The following SPTLC2 variants were observed in gnomAD, a reference collection of about 807,000 sequenced individuals.
SPTLC2 encodes the protein serine palmitoyltransferase long chain base subunit 2, also known as serine palmitoyltransferase 2.
SPTLC2 carries 21 observed loss-of-function variants against 62.0 expected under a neutral mutation model. The observed-to-expected ratio is 0.34, with a 90% CI of 0.24 to 0.49. The LOEUF (loss-of-function observed/expected upper bound fraction) is 0.49. SPTLC2 is among the 20% of genes least tolerant of loss of function. SPTLC2 has a pLI of 0.99. For synonymous variants in SPTLC2, 261 were observed against 261.8 expected, an observed-to-expected ratio of 1.00 and a Z score of 0.03; for missense variants, 511 against 713.0, an observed-to-expected ratio of 0.72 and a Z score of 3.23.
intron 6 of SPTLC2, among the ~76,000 whole-genome samples, chr14:77,560,108 A>T (rs2079606616): frequency 6.6e-6 from 1 of 152,220 alleles, no homozygotes. Context: ...TTATTTCCTC[A>T]TTAGATTTGG....
At chr14:77,570,536 A>T in intron 4 of SPTLC2, 28 bp from the exon 5 acceptor site, 1 of 1,592,106 alleles carries the variant, frequency 6.3e-7, no homozygotes, top group Non-Finnish European at 8.5e-7. Context: ...TAAAGTCAGT[A>T]TCACAAAATC....
chr14:77,548,159 G>T (rs2299916), intron 9 of SPTLC2, among the ~76,000 whole-genome samples: 1 of 152,022 alleles, frequency 6.6e-6, no homozygotes, highest in Non-Finnish European at 1.5e-5. Context: ...CTATTAAAAT[G>T]TACCTATCTA....
intron 5 of SPTLC2, among the ~76,000 whole-genome samples, chr14:77,563,523 T>A (rs957077124): frequency 6.6e-6 from 1 of 152,172 alleles, no homozygotes; most frequent in Non-Finnish European, 1.5e-5. Context: ...CCTCCCAGAT[T>A]CAAGCGATTC....
At chr14:77,539,180 C>G (rs1195622539) in intron 9 of SPTLC2, among the ~76,000 whole-genome samples, 1 of 151,858 alleles carries the variant, frequency 6.6e-6, no homozygotes, top group Non-Finnish European at 1.5e-5. Context: ...TTACCTATAA[C>G]AAGACCTATA....
chr14:77,594,139 TC>T (rs1448365877), intron 2 of SPTLC2, among the ~76,000 whole-genome samples: 2 of 152,206 alleles, frequency 1.3e-5, no homozygotes, highest in African/African-American at 4.8e-5. Flanking sequence ...CCTATGCTAC[TC>T]AGATACTTTT....
At chr14:77,616,332 G>T in intron 1 of SPTLC2, 116 bp downstream of exon 1, 1 of 591,210 alleles carries the variant, frequency 1.7e-6, no homozygotes, top group South Asian at 7.7e-5. Flanking sequence ...CCACACCTGC[G>T]AACGGCGCCC....
rs35192294 is a variant in SPTLC2, at chr14:77,533,300, CAAA to C, written c.1304-11722_1304-11720del. On this transcript the variant is annotated intron_variant, in intron 9 of 11. Coordinates refer to ENST00000216484, the MANE Select transcript of SPTLC2 (RefSeq NM_004863.4). ...GGGTGACAAGAGCGAAACTCCGTTG[CAAA>C]AAAAAAAAAAAAAAAAAGTAACTGT... Among the ~76,000 whole-genome samples, 234 of 98,450 alleles carry C rather than the reference CAAA, an allele frequency of 2.4e-3. 3 individuals carry two copies. Among genetic ancestry groups the C allele is most frequent in the Admixed American group, 4.3e-3 (38 of 8,904 alleles). 64.6% of individuals were successfully genotyped at this position (98,450 alleles called of 152,430 possible). A position where few individuals can be genotyped will look rare whatever the true frequency, so the allele number is the denominator to read the frequency against.
At chr14:77,563,443 T>A (rs2079625812) in intron 5 of SPTLC2, among the ~76,000 whole-genome samples, 1 of 152,184 alleles carries the variant, frequency 6.6e-6, no homozygotes, top group South Asian at 2.1e-4. Context: ...TGTATGTGTG[T>A]GTGTGAGATG....
Position 77,512,231 on chromosome 14 carries a change from C to T in SPTLC2, c.*53G>A. 1 of 1,612,076 alleles carries T rather than the reference C, an allele frequency of 6.2e-7. No homozygotes were observed. The highest frequency in any genetic ancestry group is 1.3e-5 in the African/African-American group (1 of 74,988). On this transcript the variant is annotated 3_prime_UTR_variant, in exon 12 of 12. Transcript: ENST00000216484. ...GGTTCCTGGAACTGGCTCACAAAGGCCACAGGCTGTCCTGGGTGAGGGAGA... is the reference window on the plus strand; with the variant it reads ...GGTTCCTGGAACTGGCTCACAAAGGTCACAGGCTGTCCTGGGTGAGGGAGA...
In SPTLC2 at chr14:77,512,328, C is replaced by T. The variant is rs756512553; in HGVS notation, c.1645G>A (p.Asp549Asn). The T allele has an allele frequency of 3.7e-6, 6 of 1,614,210 alleles. No individual in the cohort carries two copies. The South Asian group carries it at 6.6e-5, about 18-fold the overall frequency. The change falls in exon 12 of 12, where the codon GAC becomes AAC. Residue 549 changes from aspartate (D) to asparagine (N), a missense_variant. By Grantham distance (23) the Asp-to-Asn change is conservative (BLOSUM62 1). Coordinates refer to ENST00000216484, the MANE Select transcript of SPTLC2 (RefSeq NM_004863.4). The part of the protein sequence containing the change: ...YSRHRLVPLL[D>N]RPFDETTYEE... ...TACGTCGTCTCGTCAAAGGGCCTGT[C>T]CAGTAGAGGTACCAACCGATGACGG...
intron 2 of SPTLC2, among the ~76,000 whole-genome samples, chr14:77,594,377 C>CA (rs1410675228): frequency 1.3e-5 from 2 of 152,308 alleles, no homozygotes; most frequent in South Asian, 2.1e-4. Flanking sequence ...ATAATGTACT[C>CA]ACAAAGTAAT....
intron 5 of SPTLC2, among the ~76,000 whole-genome samples, chr14:77,566,614 T>A (rs11159277): frequency 0.64 from 97,863 of 151,878 alleles, 32,176 homozygotes; most frequent in East Asian, 0.92. Flanking sequence ...CACAGGCGCC[T>A]GCCACTACGC....
intron 2 of SPTLC2, among the ~76,000 whole-genome samples, chr14:77,586,680 G>A (rs1029996891): frequency 6.6e-6 from 1 of 152,126 alleles, no homozygotes; most frequent in African/African-American, 2.4e-5. Context: ...ATACTTGTAG[G>A]ATACATAAAT....
chr14:77,576,522 A>T (rs898393230), intron 4 of SPTLC2, among the ~76,000 whole-genome samples: 2 of 152,234 alleles, frequency 1.3e-5, no homozygotes, highest in African/African-American at 2.4e-5. Context: ...TGAAACAAAC[A>T]CTGGCAGGAT....
rs1440670023 is a variant in SPTLC2 at position 77,526,835 on chromosome 14, C to T, written c.1304-5254G>A. The stretch of plus-strand genomic sequence containing the variant: ...TTTGAGACAGAGTCTCACTCTGTTG[C>T]CCAGGCTGGAGTGCAGTGGCGTGCT... On this transcript the variant is annotated intron_variant, in intron 9 of 11. Transcript: ENST00000216484. 8.0e-5 allele frequency among the ~76,000 whole-genome samples: 12 copies of T among 150,006 alleles called. No individual in the cohort carries two copies. The East Asian group carries it at 1.6e-3, about 19-fold the overall frequency.
chr14:77,540,812 A>G (rs1428276723), intron 9 of SPTLC2, among the ~76,000 whole-genome samples: 2 of 152,182 alleles, frequency 1.3e-5, no homozygotes, highest in Non-Finnish European at 2.9e-5. Flanking sequence ...CTCATTGCTA[A>G]CATTTAATTA....
intron 2 of SPTLC2, among the ~76,000 whole-genome samples, chr14:77,584,559 T>G (rs1665347243): frequency 1.3e-5 from 2 of 152,120 alleles, no homozygotes. Flanking sequence ...CTTTCCCACT[T>G]AGGAAAGCAG....
At chr14:77,588,996 C>CAAAAAAAAAAA (rs60536883) in intron 2 of SPTLC2, among the ~76,000 whole-genome samples, 3 of 74,628 alleles carry the variant, frequency 4.0e-5, no homozygotes, top group African/African-American at 5.9e-5. Context: ...GACCTTGTCT[C>CAAAAAAAAAAA]AAAAAAAAAA....
At chr14:77,570,267 T>C in intron 5 of SPTLC2, 117 bp downstream of exon 5, 1 of 1,315,296 alleles carries the variant, frequency 7.6e-7, no homozygotes, top group Non-Finnish European at 1.1e-6. Flanking sequence ...TAGAAATATC[T>C]TTGGCTAAAC....
Sources: gnomAD v4.1 joint callset for allele counts (sites outside exome capture counted in the v4.1 genomes callset) on GRCh38, gnomAD v4.1.1 for gene constraint, MANE v1.5 for transcripts, NCBI Gene and HGNC (gene_info 2026-07-23, HGNC 2026-07-21) for gene names.